Variants in SYNJ1 observed in about 807,000 individuals in gnomAD.
SYNJ1 encodes synaptojanin 1.
Under a neutral mutation model 168.2 loss-of-function variants are expected in SYNJ1, and 78 were observed. The ratio of observed to expected loss-of-function variants is 0.46; its 90% CI spans 0.39 to 0.56. The LOEUF is 0.56. Ranked by LOEUF, SYNJ1 falls within the 20% of genes least tolerant of loss-of-function variation. The probability of loss-of-function intolerance (pLI) is 0.00; values close to 1 mark genes in which losing one functional copy is unlikely to be tolerated. For missense variants in SYNJ1, 1,303 were observed against 1,597.6 expected, an observed-to-expected ratio of 0.82 and a Z score of 3.14; for synonymous variants, 539 against 548.6, an observed-to-expected ratio of 0.98 and a Z score of 0.24.
intron 29 of SYNJ1, among the ~76,000 whole-genome samples, chr21:32,640,579 GCCACCGTAC>G (rs1261841515): frequency 6.6e-6 from 1 of 152,160 alleles, no homozygotes; most frequent in Non-Finnish European, 1.5e-5. Context: ...ACAGGCGTGA[GCCACCGTAC>G]CTGGTCAAGA....
At chr21:32,684,009 G>A (rs572789992) in intron 10 of SYNJ1, 29 bp downstream of exon 10, 4 of 1,589,694 alleles carry the variant, frequency 2.5e-6, no homozygotes, top group East Asian at 4.5e-5. Context: ...GATGATACAA[G>A]GCACATACAT....
At position 32,707,960 on chromosome 21, in the gene SYNJ1, T is replaced by C. The variant is rs527303414; in HGVS notation, c.125-5913A>G. On this transcript the variant is annotated intron_variant, in intron 2 of 32. Transcript: ENST00000674351. ...TGAGCCTGGGAGGCGGAGGTTGCAG[T>C]GAGCCAAGATGTGCCACCGCACTCC... Among the ~76,000 whole-genome samples, 10 of 152,240 alleles carry C rather than the reference T, an allele frequency of 6.6e-5. No homozygotes were observed. The South Asian group carries it at 1.9e-3, about 28-fold the overall frequency.
rs550376102 is a variant in SYNJ1 at position 32,715,884 on chromosome 21, G to A, written c.124+10888C>T. Among the ~76,000 whole-genome samples, 15 of 152,146 alleles carry A rather than the reference G, an allele frequency of 9.9e-5. No individual in the cohort carries two copies. In the South Asian group the frequency reaches 3.1e-3, roughly 32 times the overall value. The stretch of plus-strand genomic sequence containing the variant: ...TCATTCTGAACTGAGGAAGTAATGA[G>A]TATCCAACCAAGAAGAATTTATATA... On this transcript the variant is annotated intron_variant, in intron 2 of 32. Transcript: ENST00000674351.
chr21:32,690,847 G>A (rs143220189), intron 6 of SYNJ1, among the ~76,000 whole-genome samples: 231 of 152,306 alleles, frequency 1.5e-3, no homozygotes, highest in African/African-American at 4.9e-3. Context: ...ACTTGAAGCC[G>A]GGAGGCGGAG....
chr21:32,727,975 C>CCCGCAGCCGCCG lies in SYNJ1; in HGVS notation c.-64_-53dup, dbSNP rs1427487040. On this transcript the variant is annotated 5_prime_UTR_variant, in exon 1 of 33. Transcript: ENST00000674351. ...TCCTCCGGCTCCTCCTCCTCCTTCT[C>CCCGCAGCCGCCG]CCGCAGCCGCCGCCACAGCCGCCGG... 5 of 1,535,106 alleles carry CCCGCAGCCGCCG rather than the reference C, an allele frequency of 3.3e-6. No homozygotes were observed. Among genetic ancestry groups the CCCGCAGCCGCCG allele is most frequent in the African/African-American group, 1.4e-5 (1 of 72,704 alleles).
intron 2 of SYNJ1, among the ~76,000 whole-genome samples, chr21:32,716,784 CG>C (rs2146344432): frequency 6.6e-6 from 1 of 152,246 alleles, no homozygotes; most frequent in South Asian, 2.1e-4. Context: ...ATTGGGTCAC[CG>C]GAAGTCGTCC....
intron 30 of SYNJ1, 87 bp from the exon 31 acceptor site, chr21:32,639,212 C>A: frequency 8.2e-7 from 1 of 1,221,398 alleles, no homozygotes; most frequent in South Asian, 1.5e-5. Flanking sequence ...GGAGAACATT[C>A]TAGTTATTTC....
intron 22 of SYNJ1, among the ~76,000 whole-genome samples, 187 bp downstream of exon 22, chr21:32,653,101 G>A (rs973738582): frequency 1.3e-5 from 2 of 152,068 alleles, no homozygotes; most frequent in Non-Finnish European, 2.9e-5. Context: ...CTCTGGGGAG[G>A]GGCCAAAATA....
At chr21:32,715,831 C>A (rs1411366802) in intron 2 of SYNJ1, among the ~76,000 whole-genome samples, 1 of 151,690 alleles carries the variant, frequency 6.6e-6, no homozygotes, top group East Asian at 1.9e-4. Flanking sequence ...CCAGAATTAT[C>A]CAGGAATTTC....
At chr21:32,644,897 C>T in intron 26 of SYNJ1, 71 bp downstream of exon 26, 1 of 1,509,814 alleles carries the variant, frequency 6.6e-7, no homozygotes. Flanking sequence ...TCAAACAAAT[C>T]TAAAATGTCT....
At chr21:32,677,620 G>A (rs1335582473) in intron 12 of SYNJ1, among the ~76,000 whole-genome samples, 4 of 152,112 alleles carry the variant, frequency 2.6e-5, no homozygotes, top group Non-Finnish European at 5.9e-5. Context: ...TCTACTTTTG[G>A]AAGCCAGGAA....
chr21:32,630,095 T>C lies in SYNJ1; in HGVS notation c.*1710A>G, dbSNP rs1165040141. 1.3e-5 allele frequency: 2 copies of C among 152,198 alleles called. No individual in the cohort carries two copies. 9.4% of individuals were successfully genotyped at this position (152,198 alleles called of 1,614,324 possible). A position where few individuals can be genotyped will look rare whatever the true frequency, so the allele number is the denominator to read the frequency against. On this transcript the variant is annotated 3_prime_UTR_variant, in exon 33 of 33. Coordinates refer to ENST00000674351, the MANE Select transcript of SYNJ1 (RefSeq NM_203446.3). ...GTACGGTTAGCTCTAATATTTCTCA[T>C]TGAACTTGGTGGTATGTGCCTTCCC... is the stretch of plus-strand genomic sequence containing the variant.
intron 10 of SYNJ1, among the ~76,000 whole-genome samples, chr21:32,682,481 TA>T (rs1160699510): frequency 6.6e-6 from 1 of 152,138 alleles, no homozygotes; most frequent in Non-Finnish European, 1.5e-5. Context: ...AAAATAAGAT[TA>T]AAAAAACCTT....
At chr21:32,709,151 C>CTGT (rs2042724490) in intron 2 of SYNJ1, among the ~76,000 whole-genome samples, 2 of 152,116 alleles carry the variant, frequency 1.3e-5, no homozygotes, top group Non-Finnish European at 2.9e-5. Context: ...ACCCATGGAT[C>CTGT]CAACACGCTT....
chr21:32,684,041 T>G lies in SYNJ1; in HGVS notation c.1197A>C (p.Leu399Phe). 6.2e-7 allele frequency: 1 copy of G among 1,613,548 alleles called. No individual in the cohort carries two copies. Among genetic ancestry groups the G allele is most frequent in the Non-Finnish European group, 8.5e-7 (1 of 1,179,630 alleles). Reference sequence around the variant, plus strand: ...ACATTTTAATTTATTCTTTTACCTCTAAGCCAAGAAATGCCTGCACACTAT... The same window carrying G: ...ACATTTTAATTTATTCTTTTACCTCGAAGCCAAGAAATGCCTGCACACTAT... ...RTNSVQAFLG[L>F]EMLAKQLEAL... The change falls in exon 10 of 33, where the codon TTA becomes TTC. Residue 399 changes from leucine to phenylalanine, a missense_variant. Leu to Phe is a conservative substitution (Grantham distance 22, BLOSUM62 0). Transcript: ENST00000674351.
At chr21:32,674,895 T>C (rs2041343717) in intron 13 of SYNJ1, among the ~76,000 whole-genome samples, 1 of 152,214 alleles carries the variant, frequency 6.6e-6, no homozygotes, top group Non-Finnish European at 1.5e-5. Context: ...TTAGTATTCT[T>C]GTAAAGATAA....
chr21:32,663,812 T>C (rs548739395), intron 18 of SYNJ1, among the ~76,000 whole-genome samples: 2 of 152,338 alleles, frequency 1.3e-5, no homozygotes, highest in East Asian at 3.9e-4. Flanking sequence ...GCCTTGACTA[T>C]ACTGCCCTGG....
At chr21:32,685,975 T>C in intron 8 of SYNJ1, 58 bp from the exon 9 acceptor site, 1 of 1,534,870 alleles carries the variant, frequency 6.5e-7, no homozygotes, top group African/African-American at 1.4e-5. Flanking sequence ...AATATCCATC[T>C]AAATATTCAT....
At chr21:32,725,062 ATAT>A (rs1393286036) in intron 2 of SYNJ1, among the ~76,000 whole-genome samples, 1 of 152,228 alleles carries the variant, frequency 6.6e-6, no homozygotes, top group East Asian at 1.9e-4. Flanking sequence ...GGTTTTGGAA[ATAT>A]TATTATTCTT....
Sources: allele counts gnomAD v4.1 joint callset (sites outside exome capture counted in the v4.1 genomes callset), GRCh38; gene constraint gnomAD v4.1.1; transcripts MANE v1.5; gene names NCBI Gene and HGNC (gene_info 2026-07-23, HGNC 2026-07-21).